Variants in RAB3IL1 observed in about 807,000 individuals in gnomAD.
The protein encoded by RAB3IL1 is guanine nucleotide exchange factor for Rab-3A.
Under a neutral mutation model 49.2 loss-of-function variants are expected in RAB3IL1, and 37 were observed. The observed-to-expected ratio is 0.75, with a 90% CI of 0.58 to 0.99. RAB3IL1 has a LOEUF of 0.99. Ranked by LOEUF, RAB3IL1 falls within the 50% of genes least tolerant of loss-of-function variation. RAB3IL1 has a pLI of 0.00. For missense variants in RAB3IL1, 484 were observed against 513.0 expected (o/e 0.94, Z 0.55); for synonymous variants, 193 against 213.9 (o/e 0.90, Z 0.85).
chr11:61,899,739 G>T, intron 8 of RAB3IL1: 1 of 239,188 alleles, frequency 4.2e-6, no homozygotes, highest in Non-Finnish European at 8.4e-6. Flanking sequence ...AGATGAACCG[G>T]GCAGGCTGTC....
Position 61,904,894 on chromosome 11 carries a change from G to T in RAB3IL1, c.658-12C>A. The T allele has an allele frequency of 6.4e-7, 1 of 1,574,782 alleles. No homozygotes were observed. Among genetic ancestry groups the T allele is most frequent in the Non-Finnish European group, 8.6e-7 (1 of 1,158,504 alleles). ...AGGATTGTGTCCACCTGTGGGGGAGGGCAAGCGAGGGTGGGGGCGGTCAGG... is the reference window on the plus strand; with the variant it reads ...AGGATTGTGTCCACCTGTGGGGGAGTGCAAGCGAGGGTGGGGGCGGTCAGG... On this transcript the variant is annotated splice_polypyrimidine_tract_variant and intron_variant, in intron 5 of 9. Transcript: ENST00000394836.
At chr11:61,937,529 A>G in the RAB3IL1 span, among the ~76,000 whole-genome samples, 1 of 152,054 alleles carries the variant, frequency 6.6e-6, no homozygotes, top group African/African-American at 2.4e-5. Context: ...GCTGGTCTCA[A>G]ACTTCTGACC....
rs568300297 is a variant in RAB3IL1, at chr11:61,904,637, C to T, written c.808G>A (p.Ala270Thr). ...MQELSVLVRA[A>T]VEDNTLTIEP... ...ATGGTGAGCGTGTTGTCCTCCACGG[C>T]GGCCCGTACCAGCACCGAGAGCTGT... Residue 270 changes from alanine (A) to threonine (T), a missense_variant, in exon 7 of 10, where the codon GCC becomes ACC. Transcript: ENST00000394836. The T allele has an allele frequency of 1.1e-5, 17 of 1,611,732 alleles. No homozygotes were observed. Among genetic ancestry groups the T allele is most frequent in the Non-Finnish European group, 1.4e-5 (17 of 1,179,176 alleles).
At chr11:61,914,639 C>A (rs1939600174) in intron 1 of RAB3IL1, among the ~76,000 whole-genome samples, 1 of 152,114 alleles carries the variant, frequency 6.6e-6, no homozygotes, top group African/African-American at 2.4e-5. Flanking sequence ...GCTCAGGAGT[C>A]CCAAAGAAGA....
In RAB3IL1 at chr11:61,898,233, G is replaced by A. The variant is rs554273759; in HGVS notation, c.*45C>T. 3 of 1,563,176 alleles carry A rather than the reference G, an allele frequency of 1.9e-6. No homozygotes were observed. The highest frequency in any genetic ancestry group is 2.6e-6 in the Non-Finnish European group (3 of 1,140,874). ...TGTGTGTCGGCTTGTTCTGGGGTGG[G>A]TGTTTGCTCTGTCTCAGAGCTCCCC... is the stretch of plus-strand genomic sequence containing the variant. On this transcript the variant is annotated 3_prime_UTR_variant, in exon 10 of 10. Transcript: ENST00000394836. The surrounding 1 kb of genome is among the most constrained non-coding windows in gnomAD (Gnocchi z 5.1).
rs553560482 is a variant in RAB3IL1, at chr11:61,901,223, C to A, written c.999+1219G>T. On this transcript the variant is annotated intron_variant, in intron 8 of 9. Transcript: ENST00000394836. The stretch of plus-strand genomic sequence containing the variant: ...GTTCCTCAAGCTGTGTCACTGGAAA[C>A]GTGTTTCCAAACATGTTCTCTTGTT... Among the ~76,000 whole-genome samples, 4 of 152,296 alleles carry A rather than the reference C, an allele frequency of 2.6e-5. No homozygotes were observed. The East Asian group carries it at 7.7e-4, about 29-fold the overall frequency.
the RAB3IL1 span, among the ~76,000 whole-genome samples, chr11:61,946,209 C>T: frequency 1.3e-5 from 2 of 152,094 alleles, no homozygotes; most frequent in Non-Finnish European, 2.9e-5. Flanking sequence ...CCACATAAAG[C>T]CTGGAGGCAG....
At chr11:61,930,149 G>C in the RAB3IL1 span, among the ~76,000 whole-genome samples, 1 of 152,000 alleles carries the variant, frequency 6.6e-6, no homozygotes, top group South Asian at 2.1e-4. Context: ...ACCTGCCTCA[G>C]CCTCCTGAAG....
At chr11:61,901,236 A>G (rs924287511) in intron 8 of RAB3IL1, among the ~76,000 whole-genome samples, 1 of 152,132 alleles carries the variant, frequency 6.6e-6, no homozygotes, top group Non-Finnish European at 1.5e-5. Flanking sequence ...GTTTCCAAAC[A>G]TGTTCTCTTG....
At chr11:61,944,242 C>CCTTCCTTCCTTCCTTCCTTCCTTT in the RAB3IL1 span, among the ~76,000 whole-genome samples, 35,095 of 126,528 alleles carry the variant, frequency 0.28, 7,062 homozygotes, top group Non-Finnish European at 0.4. Flanking sequence ...TTCCTTCCTT[C>CCTTCCTTCCTTCCTTCCTTCCTTT]CTTCCTTCCT....
Position 61,917,446 on chromosome 11 carries a change from A to G in RAB3IL1, c.-79T>C. 8.5e-7 allele frequency: 1 copy of G among 1,179,618 alleles called. No individual in the cohort carries two copies. The highest frequency in any genetic ancestry group is 1.6e-5 in the African/African-American group (1 of 61,730). 73.1% of individuals were successfully genotyped at this position (1,179,618 alleles called of 1,614,324 possible). ...AGCGCCGCGTCCCCGCCCGCCGCCG[A>G]CTCCGCCAGGGGCCGAGCCGCCCCA... On this transcript the variant is annotated 5_prime_UTR_variant, in exon 1 of 10. Transcript: ENST00000394836.
At chr11:61,914,843 C>G (rs1179745471) in intron 1 of RAB3IL1, among the ~76,000 whole-genome samples, 1 of 152,190 alleles carries the variant, frequency 6.6e-6, no homozygotes, top group Non-Finnish European at 1.5e-5. Flanking sequence ...AACTCCTAAT[C>G]CCAGCTCCTC....
At chr11:61,923,208 G>T (rs1420999721), upstream of RAB3IL1, among the ~76,000 whole-genome samples, 2 of 152,150 alleles carry the variant, frequency 1.3e-5, no homozygotes, top group African/African-American at 4.8e-5. Context: ...TAACTTCTTA[G>T]AAAAAAGGCA....
chr11:61,920,449 C>CTCTA (rs34072109), upstream of RAB3IL1, among the ~76,000 whole-genome samples: 60,338 of 151,612 alleles, frequency 0.4, 12,338 homozygotes, highest in East Asian at 0.71. Context: ...GGTGAGACAC[C>CTCTA]TCTAGGGGAG....
chr11:61,913,618 T>C (rs1472346231), intron 1 of RAB3IL1, among the ~76,000 whole-genome samples: 2 of 152,150 alleles, frequency 1.3e-5, no homozygotes, highest in Admixed American at 1.3e-4. Context: ...ATCTCACTAC[T>C]CTTCTACAGG....
intron 1 of RAB3IL1, 105 bp downstream of exon 1, chr11:61,917,252 T>C: frequency 2.3e-6 from 3 of 1,303,558 alleles, no homozygotes; most frequent in Non-Finnish European, 2.0e-6. Context: ...GCACAGCACC[T>C]CCGGGTGGCG....
intron 1 of RAB3IL1, among the ~76,000 whole-genome samples, chr11:61,913,149 G>A (rs563265281): frequency 6.6e-6 from 1 of 152,112 alleles, no homozygotes; most frequent in Non-Finnish European, 1.5e-5. Flanking sequence ...AGCAGCTGCA[G>A]CCTGAGCCTG....
chr11:61,925,081 T>C (rs1939974278), upstream of RAB3IL1, among the ~76,000 whole-genome samples: 1 of 152,238 alleles, frequency 6.6e-6, no homozygotes, highest in African/African-American at 2.4e-5. Flanking sequence ...TCTCAGATTC[T>C]GTTCATCCTT....
Position 61,906,504 on chromosome 11 carries a change from CAGCGGGACACA to C in RAB3IL1, c.608_618del (p.Val203GlyfsTer73). 1 of 1,549,894 alleles carries C rather than the reference CAGCGGGACACA, an allele frequency of 6.5e-7. No individual in the cohort carries two copies. The highest frequency in any genetic ancestry group is 8.7e-7 in the Non-Finnish European group (1 of 1,148,846). On this transcript the variant is annotated frameshift_variant, in exon 5 of 10. Coordinates refer to ENST00000394836, the MANE Select transcript of RAB3IL1 (RefSeq NM_013401.4). LOFTEE classifies it high-confidence loss of function. This position sits in a 1 kb window ranked among gnomAD's most constrained non-coding sequence, Gnocchi z 4.6. ...CTGTCTGGGGTGAGGGTGTGTCCCG[CAGCGGGACACA>C]CGGCGGGGCAGAGGGTGCTGCTGGT...
Sources: gnomAD v4.1 joint callset for allele counts (sites outside exome capture counted in the v4.1 genomes callset) on GRCh38, gnomAD v4.1.1 for gene constraint, Gnocchi (gnomAD v3.1) non-coding constraint, MANE v1.5 for transcripts, NCBI Gene and HGNC (gene_info 2026-07-23, HGNC 2026-07-21) for gene names.